The following SYT1 variants were observed in gnomAD, a reference collection of about 807,000 sequenced individuals.
SYT1 encodes synaptotagmin 1.
Under a neutral mutation model 44.8 loss-of-function variants are expected in SYT1, and 8 were observed. The ratio of observed to expected loss-of-function variants is 0.18; its 90% CI spans 0.10 to 0.32. The LOEUF (loss-of-function observed/expected upper bound fraction) is 0.32, where lower values mean the gene tolerates loss of function less well. Ranked by LOEUF, SYT1 falls within the 10% of genes least tolerant of loss-of-function variation. The probability of loss-of-function intolerance (pLI) is 1.00; values close to 1 mark genes in which losing one functional copy is unlikely to be tolerated. For missense variants in SYT1, 286 were observed against 509.3 expected (o/e 0.56, Z 4.22); for synonymous variants, 154 against 188.8 (o/e 0.82, Z 1.51).
intron 2 of SYT1, among the ~76,000 whole-genome samples, chr12:78,985,301 T>C (rs1408652505): frequency 6.6e-6 from 1 of 151,994 alleles, no homozygotes; most frequent in Non-Finnish European, 1.5e-5. Flanking sequence ...TTCTGAAATA[T>C]GAACACTATC....
At chr12:79,402,188 C>T (rs1435020547) in intron 9 of SYT1, among the ~76,000 whole-genome samples, 3 of 152,186 alleles carry the variant, frequency 2.0e-5, no homozygotes, top group Admixed American at 2.0e-4. Context: ...GTAGAAATTT[C>T]TCCCGTAAAA....
At chr12:79,178,152 T>G (rs1238194406) in intron 3 of SYT1, among the ~76,000 whole-genome samples, 1 of 152,126 alleles carries the variant, frequency 6.6e-6, no homozygotes, top group Non-Finnish European at 1.5e-5. Context: ...TTCTACCCAG[T>G]GTTTTTAGCA....
chr12:78,968,274 T>C (rs190578633), intron 1 of SYT1, among the ~76,000 whole-genome samples: 2 of 152,062 alleles, frequency 1.3e-5, no homozygotes, highest in Non-Finnish European at 2.9e-5. Flanking sequence ...AGGAGTCTAT[T>C]AGGTTGTTTT....
At chr12:79,394,418 C>T (rs1056304744) in intron 9 of SYT1, among the ~76,000 whole-genome samples, 6 of 152,090 alleles carry the variant, frequency 3.9e-5, no homozygotes. Context: ...TAGATTTAAC[C>T]TGTGTAGGCA....
At chr12:78,871,042 A>T (rs1873794938) in intron 1 of SYT1, among the ~76,000 whole-genome samples, 1 of 152,108 alleles carries the variant, frequency 6.6e-6, no homozygotes, top group Non-Finnish European at 1.5e-5. Context: ...AAGCTGTTAA[A>T]CCATGAGTCA....
chr12:79,112,798 A>G (rs1879085279), intron 3 of SYT1, among the ~76,000 whole-genome samples: 1 of 152,098 alleles, frequency 6.6e-6, no homozygotes, highest in Admixed American at 6.5e-5. Flanking sequence ...GTTAAATTAG[A>G]TTTGTTATTT....
chr12:79,200,012 A>C (rs753474514), intron 3 of SYT1, among the ~76,000 whole-genome samples: 1 of 152,058 alleles, frequency 6.6e-6, no homozygotes, highest in Non-Finnish European at 1.5e-5. Context: ...TTTTATTAGA[A>C]TTATAAAGAG....
At chr12:79,230,003 G>A (rs1040577078) in intron 4 of SYT1, among the ~76,000 whole-genome samples, 2 of 152,006 alleles carry the variant, frequency 1.3e-5, no homozygotes, top group African/African-American at 4.8e-5. Flanking sequence ...GCATTTAGAG[G>A]GCATGGTCAC....
intron 1 of SYT1, among the ~76,000 whole-genome samples, chr12:78,878,146 G>A (rs186557150): frequency 2.0e-5 from 3 of 151,218 alleles, no homozygotes; most frequent in Non-Finnish European, 4.4e-5. Flanking sequence ...TCTTTTTTGT[G>A]TGTGTGTGTG....
intron 1 of SYT1, among the ~76,000 whole-genome samples, chr12:78,898,503 A>G (rs1004913976): frequency 6.6e-6 from 1 of 152,094 alleles, no homozygotes; most frequent in Non-Finnish European, 1.5e-5. Flanking sequence ...TCCCAGAGTC[A>G]CAGAAAGTAG....
At chr12:79,340,310 T>G (rs1882305406) in intron 8 of SYT1, among the ~76,000 whole-genome samples, 1 of 152,070 alleles carries the variant, frequency 6.6e-6, no homozygotes, top group South Asian at 2.1e-4. Context: ...GAACATGGAG[T>G]GTTCTTCCAT....
chr12:79,212,954 T>C (rs979300259), intron 3 of SYT1, among the ~76,000 whole-genome samples: 2 of 152,198 alleles, frequency 1.3e-5, no homozygotes, highest in Admixed American at 1.3e-4. Flanking sequence ...TCTCCTTAAA[T>C]ATCAACAACA....
At chr12:79,078,987 AATT>A (rs1386290111) in intron 3 of SYT1, among the ~76,000 whole-genome samples, 2 of 152,170 alleles carry the variant, frequency 1.3e-5, no homozygotes, top group African/African-American at 2.4e-5. Context: ...AAGGCACATT[AATT>A]TAAAAGAATG....
intron 1 of SYT1, among the ~76,000 whole-genome samples, chr12:78,871,060 AT>A (rs1054307419): frequency 6.6e-6 from 1 of 152,058 alleles, no homozygotes; most frequent in Non-Finnish European, 1.5e-5. Context: ...TCAGTATAGT[AT>A]TTTTTTAACT....
chr12:78,869,202 T>G (rs1009259481), intron 1 of SYT1, among the ~76,000 whole-genome samples: 2 of 151,900 alleles, frequency 1.3e-5, no homozygotes, highest in African/African-American at 4.8e-5. Flanking sequence ...AGGAGAAATT[T>G]AACATTTCCA....
intron 2 of SYT1, among the ~76,000 whole-genome samples, chr12:78,999,865 C>T (rs1278767584): frequency 6.6e-6 from 1 of 152,142 alleles, no homozygotes; most frequent in Non-Finnish European, 1.5e-5. Flanking sequence ...CTAATCACTA[C>T]ACATTTTAAA....
At chr12:78,976,733 T>C (rs1565745388) in intron 1 of SYT1, 1 of 152,132 alleles carries the variant, frequency 6.6e-6, no homozygotes, top group African/African-American at 2.4e-5. Context: ...AACCTAAATT[T>C]TTTTTATAAT....
intron 1 of SYT1, among the ~76,000 whole-genome samples, chr12:78,876,849 T>TAA (rs1565697753): frequency 0.018 from 1,454 of 82,922 alleles, 361 homozygotes; most frequent in African/African-American, 0.071. Flanking sequence ...ATAATATATA[T>TAA]TATATATAAT....
At chr12:79,357,592 T>G (rs576744778) in intron 9 of SYT1, among the ~76,000 whole-genome samples, 23 of 152,320 alleles carry the variant, frequency 1.5e-4, no homozygotes, top group Admixed American at 7.8e-4. Flanking sequence ...AATACAGTAT[T>G]ATAATCTTAT....
Sources: allele counts gnomAD v4.1 joint callset (sites outside exome capture counted in the v4.1 genomes callset), GRCh38; gene constraint gnomAD v4.1.1; transcripts MANE v1.5; gene names NCBI Gene and HGNC (gene_info 2026-07-23, HGNC 2026-07-21).